IRAG2: variants seen among roughly 807,000 people sequenced by gnomAD.
IRAG2 encodes inositol 1,4,5-triphosphate receptor associated 2, also known as lymphoid restricted membrane protein.
A neutral mutation model predicts 69.9 loss-of-function variants in IRAG2; 45 were observed. That is an observed-to-expected ratio of 0.64 (90% CI 0.51 to 0.83). IRAG2 has a LOEUF of 0.83. IRAG2 is among the 40% of genes least tolerant of loss of function. The pLI, the probability that IRAG2 is intolerant of heterozygous loss-of-function variation, is 0.00. For synonymous variants in IRAG2, 193 were observed against 202.4 expected, an observed-to-expected ratio of 0.95 and a Z score of 0.40; for missense variants, 520 against 587.0, an observed-to-expected ratio of 0.89 and a Z score of 1.18.
At chr12:25,036,192 G>A (rs1944700714) in intron 14 of IRAG2, among the ~76,000 whole-genome samples, 1 of 152,056 alleles carries the variant, frequency 6.6e-6, no homozygotes, top group South Asian at 2.1e-4. Flanking sequence ...TTTTCATACT[G>A]GTATTGCCAG....
intron 16 of IRAG2, among the ~76,000 whole-genome samples, chr12:25,043,457 C>A (rs146747364): frequency 6.6e-6 from 1 of 152,160 alleles, no homozygotes; most frequent in African/African-American, 2.4e-5. Flanking sequence ...AACTAGCATG[C>A]ATGCGCTTGC....
chr12:25,107,061 T>C lies in IRAG2; in HGVS notation c.1256+11T>C. 6.9e-7 allele frequency: 1 copy of C among 1,450,744 alleles called. No homozygotes were observed. Among genetic ancestry groups the C allele is most frequent in the Non-Finnish European group, 9.6e-7 (1 of 1,040,612 alleles). The allele number at this position is 1,450,744 out of a possible 1,614,324, so 89.9% of individuals were successfully genotyped here. A position where few individuals can be genotyped will look rare whatever the true frequency, so the allele number is the denominator to read the frequency against. On this transcript the variant is annotated intron_variant, in intron 21 of 21. Transcript: ENST00000556887. ...GGATGTCTCTTCAGTGTAAGTTATC[T>C]ACTTGATAAATTCTACCATTTTAGT...
chr12:25,036,587 C>G (rs996957779), exon 15 of IRAG2: 13 of 398,542 alleles, frequency 3.3e-5, no homozygotes, highest in African/African-American at 2.7e-4. Context: ...TTTTTCAGCA[C>G]GAAGAAATTT....
chr12:25,084,260 C>T lies in IRAG2; in HGVS notation c.315+767C>T, dbSNP rs542942931. On this transcript the variant is annotated intron_variant, in intron 10 of 21. Transcript: ENST00000556887. ...AACAAATCTGCCGGGTATGGTGGTG[C>T]TTGACTGTTGTCTCAGTTATATAGG... Among the ~76,000 whole-genome samples the T allele has an allele frequency of 2.6e-5, 4 of 152,096 alleles. No homozygotes were observed. The East Asian group carries it at 7.7e-4, about 29-fold the overall frequency.
In IRAG2 at chr12:25,037,956, T is replaced by C. The variant is rs1046162007; in HGVS notation, c.1981-18T>C. The C allele has an allele frequency of 5.3e-5, 21 of 398,788 alleles. No homozygotes were observed. The South Asian group carries it at 6.4e-4, about 12-fold the overall frequency. 24.7% of individuals were successfully genotyped at this position (398,788 alleles called of 1,614,324 possible). On this transcript the variant is annotated intron_variant, in intron 15 of 38. Coordinates refer to the IRAG2 transcript ENST00000636465. ...TAACATTGGAGTACTGGGGTTTGTT[T>C]TGTGACTTTTCTTGTAGGAATTCAA...
chr12:25,048,551 C>T (rs945371420), upstream of IRAG2, among the ~76,000 whole-genome samples: 2 of 152,140 alleles, frequency 1.3e-5, no homozygotes, highest in East Asian at 1.9e-4. Flanking sequence ...CCCGCCTCAG[C>T]CTCCCAAAGT....
rs73075618 is a variant in IRAG2, at chr12:25,044,903, G to C, written c.2144+6766G>C. 4.6e-5 allele frequency among the ~76,000 whole-genome samples: 7 copies of C among 152,184 alleles called. No homozygotes were observed. The East Asian group carries it at 1.3e-3, about 29-fold the overall frequency. On this transcript the variant is annotated intron_variant, in intron 16 of 38. Coordinates refer to the IRAG2 transcript ENST00000636465. ...GAAACAGCAGGCTTGAATGGCACTA[G>C]AGAGTAAATGGACCTAACACAGAAC...
chr12:25,050,767 T>C (rs1017550752), upstream of IRAG2, among the ~76,000 whole-genome samples: 1 of 152,138 alleles, frequency 6.6e-6, no homozygotes, highest in Admixed American at 6.5e-5. Context: ...AAATTTGGTA[T>C]ATAAATACAA....
chr12:25,004,354 A>G (rs1447095106), exon 1 of IRAG2: 1 of 1,232,056 alleles, frequency 8.1e-7, no homozygotes, highest in Admixed American at 4.2e-5. Flanking sequence ...GGCCTCTCCA[A>G]GGAAGGTAAC....
intron 3 of IRAG2, chr12:25,015,088 GAAAAAAAAA>G: frequency 0.03 from 1,528 of 50,898 alleles, 18 homozygotes; most frequent in Middle Eastern, 0.045. Context: ...GCATAAATCT[GAAAAAAAAA>G]AAAAAAAAAA....
chr12:25,050,861 A>G (rs1944852415), upstream of IRAG2, among the ~76,000 whole-genome samples: 1 of 152,030 alleles, frequency 6.6e-6, no homozygotes, highest in African/African-American at 2.4e-5. Flanking sequence ...TATCCCAAGT[A>G]AAATAAGTGA....
chr12:25,101,468 A>G, intron 16 of IRAG2, 143 bp downstream of exon 16: 1 of 609,272 alleles, frequency 1.6e-6, no homozygotes. Flanking sequence ...TTATTTATAT[A>G]GCTAAAAGTG....
chr12:25,082,118 A>G (rs879335671), intron 9 of IRAG2, among the ~76,000 whole-genome samples: 24 of 152,282 alleles, frequency 1.6e-4, no homozygotes, highest in Admixed American at 3.9e-4. Flanking sequence ...GGTCTCAAAG[A>G]AAAAGTTTTT....
Position 25,108,130 on chromosome 12 carries a change from T to G in IRAG2, c.*70T>G. The G allele has an allele frequency of 3.3e-6, 5 of 1,531,594 alleles. No homozygotes were observed. In the East Asian group the frequency reaches 1.1e-4, roughly 35 times the overall value. 94.9% of individuals were successfully genotyped at this position (1,531,594 alleles called of 1,614,324 possible). ...TATCTGAACTTCGTAAATTAGTAACTTTTAGCTGGGAAAGTATAGCATGAA... is the reference window on the plus strand; with the variant it reads ...TATCTGAACTTCGTAAATTAGTAACGTTTAGCTGGGAAAGTATAGCATGAA... On this transcript the variant is annotated 3_prime_UTR_variant, in exon 22 of 22. Transcript: ENST00000556887.
chr12:25,035,084 T>C (rs984180513), intron 13 of IRAG2, among the ~76,000 whole-genome samples: 1 of 152,184 alleles, frequency 6.6e-6, no homozygotes, highest in Non-Finnish European at 1.5e-5. Context: ...AAGTTCTGGC[T>C]CTGAGGTTTA....
chr12:25,029,811 C>T (rs1749224233), intron 9 of IRAG2, among the ~76,000 whole-genome samples: 1 of 151,970 alleles, frequency 6.6e-6, no homozygotes, highest in Admixed American at 6.6e-5. Flanking sequence ...CTCCCGAGTG[C>T]CTGAGACTAC....
intron 2 of IRAG2, among the ~76,000 whole-genome samples, chr12:25,009,403 G>A (rs12301801): frequency 6.6e-6 from 1 of 152,194 alleles, no homozygotes; most frequent in Non-Finnish European, 1.5e-5. Flanking sequence ...TATTTCCTTA[G>A]GATGAGTGGG....
rs370639051 is a variant in IRAG2 at position 25,108,259 on chromosome 12, G to C, written c.*199G>C. ...GGGAAGAAGTCTGCCTATGATCTTTGAATGAGCTTTTTAAGGAAGAAATAT... is the reference window on the plus strand; with the variant it reads ...GGGAAGAAGTCTGCCTATGATCTTTCAATGAGCTTTTTAAGGAAGAAATAT... On this transcript the variant is annotated 3_prime_UTR_variant, in exon 22 of 22. Transcript: ENST00000556887. The C allele has an allele frequency of 1.7e-6, 1 of 590,068 alleles. No individual in the cohort carries two copies. The highest frequency in any genetic ancestry group is 2.8e-5 in the South Asian group (1 of 35,850). The allele number at this position is 590,068 out of a possible 1,614,324, so 36.6% of individuals were successfully genotyped here.
chr12:25,080,379 T>C (rs931750240), intron 9 of IRAG2, among the ~76,000 whole-genome samples: 6 of 145,568 alleles, frequency 4.1e-5, no homozygotes, highest in African/African-American at 1.6e-4. Context: ...TGAGACGGAG[T>C]CTCGTTGTGT....
Sources: allele counts gnomAD v4.1 joint callset (sites outside exome capture counted in the v4.1 genomes callset), GRCh38; gene constraint gnomAD v4.1.1; transcripts MANE v1.5; gene names NCBI Gene and HGNC (gene_info 2026-07-23, HGNC 2026-07-21).